Variants in PARD3B observed in about 807,000 individuals in gnomAD.
PARD3B encodes the protein partitioning defective 3 homolog B.
PARD3B carries 103 observed loss-of-function variants against 130.2 expected under a neutral mutation model. That is an observed-to-expected ratio of 0.79 (90% CI 0.67 to 0.93). PARD3B has a LOEUF of 0.93. Among genes scored for constraint, PARD3B ranks in the 40% least tolerant of loss-of-function variants. The probability of loss-of-function intolerance (pLI) is 0.00; values close to 1 mark genes in which losing one functional copy is unlikely to be tolerated. For missense variants in PARD3B, 1,609 were observed against 1,499.2 expected, an observed-to-expected ratio of 1.07 and a Z score of -1.21; for synonymous variants, 583 against 553.2, an observed-to-expected ratio of 1.05 and a Z score of -0.76.
Position 205,024,162 on chromosome 2 carries a change from CTTT to C in PARD3B, c.395-23399_395-23397del, listed in dbSNP as rs1172893472. 7.1e-5 allele frequency among the ~76,000 whole-genome samples: 7 copies of C among 98,740 alleles called. No homozygotes were observed. In the East Asian group the frequency reaches 1.6e-3, roughly 23 times the overall value. The allele number at this position is 98,740 out of a possible 152,430, so 64.8% of individuals were successfully genotyped here. On this transcript the variant is annotated intron_variant, in intron 3 of 22. Coordinates refer to ENST00000406610, the MANE Select transcript of PARD3B (RefSeq NM_001302769.2). ...TGCCTCACCATCATTTTCTTTCTTT[CTTT>C]TTTTTTTTTTTTTTTTTTTGAGATG...
chr2:205,510,333 T>C (rs984073783), intron 21 of PARD3B, among the ~76,000 whole-genome samples: 1 of 152,214 alleles, frequency 6.6e-6, no homozygotes, highest in Admixed American at 6.5e-5. Flanking sequence ...ACAACCCTTC[T>C]ATCTTAGTTA....
chr2:205,594,994 G>T (rs2054517566), intron 22 of PARD3B, among the ~76,000 whole-genome samples: 1 of 152,332 alleles, frequency 6.6e-6, no homozygotes, highest in South Asian at 2.1e-4. Flanking sequence ...GAGGGCCTCA[G>T]TATGATTGGT....
Position 205,142,085 on chromosome 2 carries a change from C to G in PARD3B, c.1434+16348C>G, listed in dbSNP as rs928585480. On this transcript the variant is annotated intron_variant, in intron 10 of 22. Transcript: ENST00000406610. The surrounding 1 kb of genome is among the most constrained non-coding windows in gnomAD (Gnocchi z 4.3). ...TAAAGATGTACATAATAATAAATAA[C>G]CATGATATAACGTGATTAGTGCTAT... is the stretch of plus-strand genomic sequence containing the variant. Among the ~76,000 whole-genome samples the G allele has an allele frequency of 1.3e-5, 2 of 152,084 alleles. No individual in the cohort carries two copies. The highest frequency in any genetic ancestry group is 6.5e-5 in the Admixed American group (1 of 15,268).
intron 3 of PARD3B, among the ~76,000 whole-genome samples, chr2:205,034,006 G>A (rs1019609009): frequency 2.6e-5 from 4 of 152,100 alleles, no homozygotes; most frequent in Non-Finnish European, 5.9e-5. Flanking sequence ...CTGCATTAGT[G>A]TGAATCGTGT....
intron 2 of PARD3B, among the ~76,000 whole-genome samples, chr2:204,870,467 T>C (rs1415348255): frequency 6.6e-6 from 1 of 152,096 alleles, no homozygotes; most frequent in East Asian, 1.9e-4. Flanking sequence ...CTGCTAGGGA[T>C]TTAATACTCT....
intron 1 of PARD3B, among the ~76,000 whole-genome samples, chr2:204,612,836 AT>A (rs1299241287): frequency 7.6e-6 from 1 of 132,042 alleles, no homozygotes; most frequent in African/African-American, 2.9e-5. Flanking sequence ...ATATTTCTTG[AT>A]TTTTAATATT....
intron 22 of PARD3B, among the ~76,000 whole-genome samples, chr2:205,613,747 A>G (rs1306213847): frequency 6.6e-6 from 1 of 152,218 alleles, no homozygotes; most frequent in Non-Finnish European, 1.5e-5. Flanking sequence ...AGTAGAGAGA[A>G]TTCTATTGTT....
At chr2:204,804,406 C>T (rs1041574409) in intron 2 of PARD3B, among the ~76,000 whole-genome samples, 4 of 152,104 alleles carry the variant, frequency 2.6e-5, no homozygotes, top group African/African-American at 4.8e-5. Context: ...GATACAAAGT[C>T]ATTATATAAT....
At chr2:204,735,137 C>T (rs1040498805) in intron 2 of PARD3B, among the ~76,000 whole-genome samples, 1 of 151,962 alleles carries the variant, frequency 6.6e-6, no homozygotes, top group African/African-American at 2.4e-5. Flanking sequence ...TGTTGAATAA[C>T]AAGATAGTCA....
Position 205,530,393 on chromosome 2 carries a change from C to G in PARD3B, c.3181-22931C>G. Among the ~76,000 whole-genome samples the G allele has an allele frequency of 6.6e-6, 1 of 152,060 alleles. No homozygotes were observed. The highest frequency in any genetic ancestry group is 1.9e-4 in the East Asian group (1 of 5,190). ...ATGTAATGCCACTTTGTAGTCAGTTCAATTGTAGCAAAAATAAGGGTTTTA... is the reference window on the plus strand; with the variant it reads ...ATGTAATGCCACTTTGTAGTCAGTTGAATTGTAGCAAAAATAAGGGTTTTA... On this transcript the variant is annotated intron_variant, in intron 21 of 22. Coordinates refer to ENST00000406610, the MANE Select transcript of PARD3B (RefSeq NM_001302769.2). This position sits in a 1 kb window ranked among gnomAD's most constrained non-coding sequence, Gnocchi z 4.7.
intron 22 of PARD3B, among the ~76,000 whole-genome samples, chr2:205,574,186 C>A (rs2106554553): frequency 6.6e-6 from 1 of 152,286 alleles, no homozygotes; most frequent in Middle Eastern, 3.4e-3. Flanking sequence ...CTTGTGGCAA[C>A]TTCCTGGTGA....
chr2:204,865,632 G>C (rs1175679134), intron 2 of PARD3B, among the ~76,000 whole-genome samples: 2 of 152,122 alleles, frequency 1.3e-5, no homozygotes, highest in Non-Finnish European at 2.9e-5. Flanking sequence ...GGGGACTCGG[G>C]GGAAAGGGTG....
At chr2:204,728,665 G>T (rs73984286) in intron 2 of PARD3B, among the ~76,000 whole-genome samples, 3 of 152,226 alleles carry the variant, frequency 2.0e-5, no homozygotes, top group Non-Finnish European at 4.4e-5. Flanking sequence ...CAGTAAAATT[G>T]TTACTGTCTT....
intron 1 of PARD3B, among the ~76,000 whole-genome samples, chr2:204,573,227 T>C (rs944227151): frequency 2.0e-5 from 3 of 152,218 alleles, no homozygotes; most frequent in Non-Finnish European, 4.4e-5. Context: ...ATACTGTCCT[T>C]CTCATAACTA....
At chr2:205,417,466 A>C (rs1250701978) in intron 19 of PARD3B, among the ~76,000 whole-genome samples, 1 of 152,086 alleles carries the variant, frequency 6.6e-6, no homozygotes, top group East Asian at 1.9e-4. Flanking sequence ...GGCTGGGTCA[A>C]ATGGTATTTC....
rs1310254546 is a variant in PARD3B at position 205,563,832 on chromosome 2, TG to T, written c.3260+10430del. Among the ~76,000 whole-genome samples the T allele has an allele frequency of 6.6e-6, 1 of 152,172 alleles. No individual in the cohort carries two copies. Among genetic ancestry groups the T allele is most frequent in the Non-Finnish European group, 1.5e-5 (1 of 68,028 alleles). On this transcript the variant is annotated intron_variant, in intron 22 of 22. Coordinates refer to ENST00000406610, the MANE Select transcript of PARD3B (RefSeq NM_001302769.2). This position sits in a 1 kb window ranked among gnomAD's most constrained non-coding sequence, Gnocchi z 4.2. The stretch of plus-strand genomic sequence containing the variant: ...CCTGTTGGGAACATACACAGAGATG[TG>T]AGTGGCGCCCCCTAGGGCTGCACAG...
At chr2:205,307,590 C>G (rs1402117679) in intron 18 of PARD3B, among the ~76,000 whole-genome samples, 2 of 152,176 alleles carry the variant, frequency 1.3e-5, no homozygotes, top group Non-Finnish European at 2.9e-5. Context: ...CTTTAAAAGA[C>G]AAGCCCATTG....
At chr2:205,565,754 T>C (rs528221955) in intron 22 of PARD3B, among the ~76,000 whole-genome samples, 170 of 152,306 alleles carry the variant, frequency 1.1e-3, no homozygotes, top group African/African-American at 4.0e-3. Context: ...AACTATTTAT[T>C]CATGACCTAC....
intron 6 of PARD3B, 27 bp downstream of exon 6, chr2:205,113,604 C>T: frequency 6.4e-7 from 1 of 1,564,060 alleles, no homozygotes; most frequent in South Asian, 1.1e-5. Flanking sequence ...ATTCCAGAAG[C>T]TCATGCTAAT....
Sources: gnomAD v4.1 joint callset for allele counts (sites outside exome capture counted in the v4.1 genomes callset) on GRCh38, gnomAD v4.1.1 for gene constraint, Gnocchi (gnomAD v3.1) non-coding constraint, MANE v1.5 for transcripts, NCBI Gene and HGNC (gene_info 2026-07-23, HGNC 2026-07-21) for gene names.